The following ERLIN1 variants were observed in gnomAD, a reference collection of about 807,000 sequenced individuals.
ERLIN1 encodes erlin-1.
ERLIN1 carries 24 observed loss-of-function variants against 46.9 expected under a neutral mutation model. The observed-to-expected ratio is 0.51, with a 90% CI of 0.37 to 0.72. The LOEUF (loss-of-function observed/expected upper bound fraction) is 0.72, where lower values mean the gene tolerates loss of function less well. ERLIN1 is among the 30% of genes least tolerant of loss of function. The pLI is 0.00. For synonymous variants in ERLIN1, 158 were observed against 143.2 expected, an observed-to-expected ratio of 1.10 and a Z score of -0.74; for missense variants, 293 against 417.9, an observed-to-expected ratio of 0.70 and a Z score of 2.61.
At chr10:100,156,869 G>A (rs1589514311) in intron 8 of ERLIN1, among the ~76,000 whole-genome samples, 1 of 152,072 alleles carries the variant, frequency 6.6e-6, no homozygotes, top group Admixed American at 6.6e-5. Context: ...TATAAAATTA[G>A]CCAAGCATGA....
chr10:100,180,766 C>A (rs1035857876), intron 2 of ERLIN1, among the ~76,000 whole-genome samples: 1 of 152,092 alleles, frequency 6.6e-6, no homozygotes, highest in African/African-American at 2.4e-5. Context: ...AGTCACAAAA[C>A]GAACCATTCA....
chr10:100,152,394 G>A, intron 10 of ERLIN1, 42 bp from the exon 11 acceptor site: 2 of 1,093,744 alleles, frequency 1.8e-6, no homozygotes, highest in Non-Finnish European at 2.8e-6. Context: ...AGAATACTCT[G>A]GTGCAACAGT....
At chr10:100,185,085 G>A (rs1206205227) in intron 1 of ERLIN1, among the ~76,000 whole-genome samples, 1 of 151,924 alleles carries the variant, frequency 6.6e-6, no homozygotes, top group Non-Finnish European at 1.5e-5. Flanking sequence ...TCATCATGGT[G>A]TTACAAGACG....
intron 7 of ERLIN1, among the ~76,000 whole-genome samples, chr10:100,164,540 A>T (rs940808079): frequency 2.0e-5 from 3 of 152,222 alleles, no homozygotes; most frequent in African/African-American, 7.2e-5. Flanking sequence ...TGCCCTCCTC[A>T]GGTGGGCACC....
intron 7 of ERLIN1, among the ~76,000 whole-genome samples, chr10:100,164,389 A>C (rs1352966479): frequency 6.6e-6 from 1 of 152,210 alleles, no homozygotes; most frequent in Admixed American, 6.5e-5. Context: ...TTGGAAGGGA[A>C]TATATCAATA....
chr10:100,164,740 T>C (rs1843539445), intron 7 of ERLIN1, among the ~76,000 whole-genome samples: 1 of 152,202 alleles, frequency 6.6e-6, no homozygotes, highest in African/African-American at 2.4e-5. Flanking sequence ...GCCCACATTA[T>C]GACACAAGTG....
In ERLIN1 at chr10:100,156,035, G is replaced by C. The variant is rs1043231988; in HGVS notation, c.745+110C>G. ...CAGGCCAGCTATTTCCTCCAGACCA[G>C]ATTATTCTGTCTATGGCCTTCTCAC... On this transcript the variant is annotated intron_variant, in intron 9 of 10. Coordinates refer to ENST00000421367, the MANE Select transcript of ERLIN1 (RefSeq NM_006459.4). 5 of 680,532 alleles carry C rather than the reference G, an allele frequency of 7.3e-6. No homozygotes were observed. In the African/African-American group the frequency reaches 9.0e-5, roughly 12 times the overall value. 42.2% of individuals were successfully genotyped at this position (680,532 alleles called of 1,614,324 possible).
In ERLIN1 at chr10:100,151,296, G is replaced by A. The variant is rs1564792666; in HGVS notation, c.*835C>T. ...CCAGAGCTGAAAGGTAACATACAAG[G>A]AGGTGGCTGTGGCTAAAACCAGGTA... On this transcript the variant is annotated 3_prime_UTR_variant, in exon 11 of 11. Coordinates refer to ENST00000421367, the MANE Select transcript of ERLIN1 (RefSeq NM_006459.4). The A allele has an allele frequency of 1.3e-5, 2 of 152,786 alleles. No homozygotes were observed. The highest frequency in any genetic ancestry group is 2.9e-5 in the Non-Finnish European group (2 of 68,270). 9.5% of individuals were successfully genotyped at this position (152,786 alleles called of 1,614,324 possible).
At chr10:100,162,988 C>T (rs754165726) in intron 8 of ERLIN1, among the ~76,000 whole-genome samples, 4 of 152,054 alleles carry the variant, frequency 2.6e-5, no homozygotes, top group Non-Finnish European at 5.9e-5. Flanking sequence ...TACCTAACTC[C>T]TCATTGGTAA....
intron 10 of ERLIN1, 49 bp from the exon 11 acceptor site, chr10:100,152,401 C>G (rs753531124): frequency 2.2e-5 from 23 of 1,026,092 alleles, no homozygotes; most frequent in Non-Finnish European, 3.1e-5. Flanking sequence ...TCTGGTGCAA[C>G]AGTCTTCTCT....
In ERLIN1 at chr10:100,151,779, A is replaced by AATGT. The variant is rs2134090555; in HGVS notation, c.*348_*351dup. The AATGT allele has an allele frequency of 5.9e-6, 2 of 339,014 alleles. No individual in the cohort carries two copies. Among genetic ancestry groups the AATGT allele is most frequent in the East Asian group, 1.5e-4 (2 of 13,576 alleles). 21.0% of individuals were successfully genotyped at this position (339,014 alleles called of 1,614,324 possible). A position where few individuals can be genotyped will look rare whatever the true frequency, so the allele number is the denominator to read the frequency against. On this transcript the variant is annotated 3_prime_UTR_variant, in exon 11 of 11. Coordinates refer to ENST00000421367, the MANE Select transcript of ERLIN1 (RefSeq NM_006459.4). ...TGAGCATACATTTCCCCGGGGGACGAATGTAAACATTATTCAACAGATCTC... is the reference window on the plus strand; with the variant it reads ...TGAGCATACATTTCCCCGGGGGACGAATGTATGTAAACATTATTCAACAGATCTC...
intron 6 of ERLIN1, among the ~76,000 whole-genome samples, chr10:100,167,836 G>A (rs1482927571): frequency 7.2e-5 from 11 of 152,148 alleles, no homozygotes; most frequent in Admixed American, 7.2e-4. Flanking sequence ...AAAAACCCAG[G>A]TTGGTGTATA....
intron 7 of ERLIN1, 127 bp downstream of exon 7, chr10:100,167,221 A>G (rs1843693196): frequency 2.9e-6 from 2 of 698,986 alleles, no homozygotes; most frequent in South Asian, 1.7e-5. Context: ...TACTAGAGTA[A>G]GAGTAAAGAA....
At chr10:100,168,250 C>T (rs1052094819) in intron 6 of ERLIN1, among the ~76,000 whole-genome samples, 11 of 152,208 alleles carry the variant, frequency 7.2e-5, no homozygotes, top group African/African-American at 2.4e-4. Context: ...TGAAAACTGG[C>T]TAACCTTTTA....
rs748830272 is a variant in ERLIN1, at chr10:100,175,949, C to T, written c.426G>A (p.Leu142=). 6.2e-7 allele frequency: 1 copy of T among 1,612,560 alleles called. No individual in the cohort carries two copies. Among genetic ancestry groups the T allele is most frequent in the African/African-American group, 1.3e-5 (1 of 74,864 alleles). Residue 142 remains leucine, a synonymous_variant, in exon 5 of 11, where the codon TTG becomes TTA. Transcript: ENST00000421367. Reference sequence around the variant, plus strand: ...CATAAGAATTAAGACACTTACCAAACAATTCAATGTAAACTTCCTGAAGTG... The same window carrying T: ...CATAAGAATTAAGACACTTACCAAATAATTCAATGTAAACTTCCTGAAGTG... The part of the protein sequence containing the change: ...AHTLQEVYIE[L]FDQIDENLKQ...
Position 100,150,231 on chromosome 10 carries a change from C to A in ERLIN1, c.*1900G>T, listed in dbSNP as rs771628970. 6.8e-6 allele frequency: 1 copy of A among 147,228 alleles called. No individual in the cohort carries two copies. The highest frequency in any genetic ancestry group is 2.6e-5 in the African/African-American group (1 of 38,546). 9.1% of individuals were successfully genotyped at this position (147,228 alleles called of 1,614,324 possible). A position where few individuals can be genotyped will look rare whatever the true frequency, so the allele number is the denominator to read the frequency against. On this transcript the variant is annotated 3_prime_UTR_variant, in exon 11 of 11. Coordinates refer to ENST00000421367, the MANE Select transcript of ERLIN1 (RefSeq NM_006459.4). ...ACGGCCAGCCTCAGAGCTGAGAGGG[C>A]ACAGGGAGGCACACTCCTCACACAT...
At chr10:100,180,336 C>A (rs1844563643) in intron 2 of ERLIN1, among the ~76,000 whole-genome samples, 1 of 152,194 alleles carries the variant, frequency 6.6e-6, no homozygotes, top group African/African-American at 2.4e-5. Context: ...AGTTCACAAT[C>A]CAGCACAGGA....
intron 8 of ERLIN1, 52 bp from the exon 9 acceptor site, chr10:100,156,286 T>G: frequency 8.5e-7 from 1 of 1,170,868 alleles, no homozygotes; most frequent in East Asian, 2.4e-5. Flanking sequence ...CTACAGTACC[T>G]GAGGCACTTC....
chr10:100,156,363 T>C, intron 8 of ERLIN1, 129 bp from the exon 9 acceptor site: 1 of 640,654 alleles, frequency 1.6e-6, no homozygotes, highest in South Asian at 1.8e-5. Context: ...TTCACTAAGT[T>C]TTATCTAGTC....
Sources: allele counts gnomAD v4.1 joint callset (sites outside exome capture counted in the v4.1 genomes callset), GRCh38; gene constraint gnomAD v4.1.1; transcripts MANE v1.5; gene names NCBI Gene and HGNC (gene_info 2026-07-23, HGNC 2026-07-21).